Variants in IGFN1 observed in about 807,000 individuals in gnomAD.
The protein encoded by IGFN1 is immunoglobulin-like and fibronectin type III domain-containing protein 1.
Under a neutral mutation model 289.5 loss-of-function variants are expected in IGFN1, and 253 were observed. The observed-to-expected ratio is 0.87, with a 90% CI of 0.79 to 0.97. The LOEUF is 0.97. Among genes scored for constraint, IGFN1 ranks in the 50% least tolerant of loss-of-function variants. The pLI, the probability that IGFN1 is intolerant of heterozygous loss-of-function variation, is 0.00. For missense variants in IGFN1, 4,470 were observed against 4,686.1 expected, an observed-to-expected ratio of 0.95 and a Z score of 1.35; for synonymous variants, 1,706 against 1,788.5, an observed-to-expected ratio of 0.95 and a Z score of 1.16.
rs1232292846 is a variant in IGFN1 at position 201,206,985 on chromosome 1, C to T, written c.2092C>T (p.Gln698Ter). 6.5e-7 allele frequency: 1 copy of T among 1,535,886 alleles called. No individual in the cohort carries two copies. Among genetic ancestry groups the T allele is most frequent in the Non-Finnish European group, 8.7e-7 (1 of 1,146,314 alleles). Residue 698 changes from glutamine to a stop codon, truncating the protein, a stop_gained, in exon 12 of 24, where the codon CAG (glutamine) becomes TAG (stop). Coordinates refer to ENST00000335211, the MANE Select transcript of IGFN1 (RefSeq NM_001164586.2). LOFTEE classifies it high-confidence loss of function. ...VGMAPESWGSQGGRDADYGEA... is the reference protein window; with the variant it reads ...VGMAPESWGS ...CATGGCCCCTGAATCCTGGGGTTCT[C>T]AGGGAGGTAGAGATGCTGACTATGG...
chr1:201,207,988 G>C lies in IGFN1; in HGVS notation c.3095G>C (p.Gly1032Ala). 1 of 1,536,944 alleles carries C rather than the reference G, an allele frequency of 6.5e-7. No individual in the cohort carries two copies. The highest frequency in any genetic ancestry group is 8.7e-7 in the Non-Finnish European group (1 of 1,146,842). The change falls in exon 12 of 24, where the codon GGG becomes GCG. Residue 1032 changes from glycine (G) to alanine (A), a missense_variant. By Grantham distance (60) the Gly-to-Ala change is moderately conservative. Transcript: ENST00000335211. ...GAAGATTCTGGCCCTGCAGGAGGAG[G>C]GTCTGGGAGAGTTGCCAGTCTTAAA... is the stretch of plus-strand genomic sequence containing the variant. ...GNEDSGPAGG[G>A]SGRVASLKNG...
chr1:201,206,030 C>T (rs1183975962), intron 11 of IGFN1, 53 bp from the exon 12 acceptor site: 2 of 1,269,400 alleles, frequency 1.6e-6, no homozygotes, highest in South Asian at 2.7e-5. Flanking sequence ...GGTATTTTCT[C>T]TTGTCTCTCC....
At chr1:201,203,200 C>T (rs577217047) in intron 9 of IGFN1, among the ~76,000 whole-genome samples, 1 of 152,342 alleles carries the variant, frequency 6.6e-6, no homozygotes, top group East Asian at 1.9e-4. Context: ...CAGTGCCTGG[C>T]ACACAGTGGG....
In IGFN1 at chr1:201,211,804, C is replaced by T. The variant is rs1013717007; in HGVS notation, c.6911C>T (p.Ser2304Phe). Residue 2304 changes from serine (S) to phenylalanine (F), a missense_variant, in exon 12 of 24, where the codon TCT (serine) becomes TTT (phenylalanine). Coordinates refer to ENST00000335211, the MANE Select transcript of IGFN1 (RefSeq NM_001164586.2). ...GRNPLGSEAG[S>F]RGSLEDSGYI... ...AATCCATTAGGGAGCGAGGCAGGTT[C>T]TAGGGGTAGTTTGGAGGATTCTGGG... The T allele has an allele frequency of 1.3e-6, 2 of 1,536,552 alleles. No homozygotes were observed. Among genetic ancestry groups the T allele is most frequent in the Non-Finnish European group, 1.7e-6 (2 of 1,146,686 alleles).
intron 15 of IGFN1, chr1:201,216,084 T>C: frequency 1.4e-6 from 1 of 698,136 alleles, no homozygotes; most frequent in Non-Finnish European, 2.7e-6. Context: ...CCCAATACAC[T>C]GGGCCCTCAG....
chr1:201,195,130 G>A (rs1250789355), intron 3 of IGFN1, among the ~76,000 whole-genome samples: 2 of 151,566 alleles, frequency 1.3e-5, no homozygotes, highest in Non-Finnish European at 3.0e-5. Context: ...GAGTAGGAAG[G>A]GAAGCCAGAA....
chr1:201,193,486 C>G (rs570303478), intron 2 of IGFN1, among the ~76,000 whole-genome samples, 186 bp downstream of exon 2: 1 of 152,182 alleles, frequency 6.6e-6, no homozygotes, highest in East Asian at 1.9e-4. Context: ...GAATCTCACT[C>G]TGTTGCCCAG....
intron 23 of IGFN1, among the ~76,000 whole-genome samples, chr1:201,228,185 G>A (rs2102379029): frequency 6.6e-6 from 1 of 152,304 alleles, no homozygotes; most frequent in South Asian, 2.1e-4. Flanking sequence ...ATGGCATTGG[G>A]GGTGATTATG....
chr1:201,215,577 A>C lies in IGFN1; in HGVS notation c.9034A>C (p.Arg3012=). 1 of 1,604,782 alleles carries C rather than the reference A, an allele frequency of 6.2e-7. No homozygotes were observed. The stretch of plus-strand genomic sequence containing the variant: ...TGCTCCAGATGTGACAGAGAAACTG[A>C]GAGAGCCACTGGTGGTCAAGGCTGG... ...TIAPDVTEKL[R]EPLVVKAGKP... Residue 3012 remains arginine (R), a synonymous_variant, in exon 15 of 24, where the codon AGA becomes CGA. Coordinates refer to ENST00000335211, the MANE Select transcript of IGFN1 (RefSeq NM_001164586.2).
chr1:201,217,447 C>T lies in IGFN1; in HGVS notation c.9756C>T (p.Asp3252=), dbSNP rs953919023. 20 of 1,614,016 alleles carry T rather than the reference C, an allele frequency of 1.2e-5. No homozygotes were observed. The highest frequency in any genetic ancestry group is 1.7e-5 in the Non-Finnish European group (20 of 1,179,992). ...KGSNTWTAVN[D]QPVPERRWTV... is the part of the protein sequence containing the mutation. ...GCAACACCTGGACGGCAGTGAACGA[C>T]CAGCCGGTGCCTGGTGAGCATTGTC... Residue 3252 remains aspartate, a synonymous_variant, in exon 17 of 24, where the codon GAC becomes GAT. Transcript: ENST00000335211.
At chr1:201,203,326 G>A (rs1029841755) in intron 9 of IGFN1, among the ~76,000 whole-genome samples, 1 of 152,174 alleles carries the variant, frequency 6.6e-6, no homozygotes, top group Non-Finnish European at 1.5e-5. Context: ...ATGGATATCT[G>A]ATGTTATTCT....
At position 201,205,307 on chromosome 1, in the gene IGFN1, C is replaced by G. The variant is rs868736745; in HGVS notation, c.1142C>G (p.Ser381Trp). ...CGTTTCTCAGACATGGGCCCCTATTCGCTGGGCACCGGGCTCTACACTTCC... is the reference window on the plus strand; with the variant it reads ...CGTTTCTCAGACATGGGCCCCTATTGGCTGGGCACCGGGCTCTACACTTCC... ...GARFSDMGPY[S>W]LGTGLYTSSA... The change falls in exon 11 of 24, where the codon TCG becomes TGG. Residue 381 changes from serine to tryptophan, a missense_variant. This residue lies in a region of IGFN1 where 2,011 missense variants were observed against 1,953.4 expected (regional missense o/e 1.03). Transcript: ENST00000335211. 6.5e-7 allele frequency: 1 copy of G among 1,550,030 alleles called. No individual in the cohort carries two copies. The highest frequency in any genetic ancestry group is 2.0e-5 in the Admixed American group (1 of 50,952).
chr1:201,198,415 C>A (rs1667005029), intron 5 of IGFN1, among the ~76,000 whole-genome samples: 1 of 152,152 alleles, frequency 6.6e-6, no homozygotes, highest in African/African-American at 2.4e-5. Context: ...GGATTACAGG[C>A]ATGAGCCACT....
chr1:201,228,418 T>C lies in IGFN1; in HGVS notation c.*19T>C. 1.2e-6 allele frequency: 2 copies of C among 1,613,668 alleles called. No homozygotes were observed. Among genetic ancestry groups the C allele is most frequent in the Non-Finnish European group, 1.7e-6 (2 of 1,179,582 alleles). ...CACCTAGCCTCACCTCACCCTGGGA[T>C]GGTCCTGGACCCTTGAAGCTTCACT... On this transcript the variant is annotated 3_prime_UTR_variant, in exon 24 of 24. Coordinates refer to ENST00000335211, the MANE Select transcript of IGFN1 (RefSeq NM_001164586.2).
chr1:201,193,038 C>G (rs1219281861), intron 1 of IGFN1, among the ~76,000 whole-genome samples: 3 of 152,096 alleles, frequency 2.0e-5, no homozygotes, highest in Middle Eastern at 3.2e-3. Flanking sequence ...TAGCATGCTA[C>G]CCACTCCCTG....
In IGFN1 at chr1:201,207,947, A is replaced by C; in HGVS notation, c.3054A>C (p.Gly1018=). The change falls in exon 12 of 24, where the codon GGA becomes GGC. Residue 1018 remains glycine (G), a synonymous_variant. Transcript: ENST00000335211. ...GGCATGGCTCCGGAGCGCCTGGGGG[A>C]GTGTGGTCTGGAAATGAAGATTCTG... ...GYRHGSGAPG[G]VWSGNEDSGP... 6.5e-7 allele frequency: 1 copy of C among 1,535,726 alleles called. No individual in the cohort carries two copies.
chr1:201,199,405 T>C (rs1385525136), intron 6 of IGFN1, 27 bp downstream of exon 6: 1 of 1,545,518 alleles, frequency 6.5e-7, no homozygotes, highest in Admixed American at 2.0e-5. Flanking sequence ...GAAACCTCCT[T>C]GGGGGCCTGT....
chr1:201,218,517 G>A lies in IGFN1; in HGVS notation c.9770-13G>A, dbSNP rs376799167. On this transcript the variant is annotated splice_polypyrimidine_tract_variant and intron_variant, in intron 17 of 23. Coordinates refer to ENST00000335211, the MANE Select transcript of IGFN1 (RefSeq NM_001164586.2). ...CCATCAGGGTGGGACTCACATGGGC[G>A]GGCTGTTCACAGAGAGGAGGTGGAC... 7.5e-5 allele frequency: 120 copies of A among 1,609,170 alleles called. No individual in the cohort carries two copies. The highest frequency in any genetic ancestry group is 9.9e-5 in the Non-Finnish European group (117 of 1,178,056).
chr1:201,203,915 T>C lies in IGFN1; in HGVS notation c.916+9T>C. The C allele has an allele frequency of 6.5e-7, 1 of 1,547,468 alleles. No individual in the cohort carries two copies. Among genetic ancestry groups the C allele is most frequent in the Non-Finnish European group, 8.7e-7 (1 of 1,144,578 alleles). ...AGAACTGGAGGCCAGTGGTGAGTGG[T>C]CTACACTGCCGAAGTTGGAGTTGGG... On this transcript the variant is annotated intron_variant, in intron 10 of 23. Coordinates refer to ENST00000335211, the MANE Select transcript of IGFN1 (RefSeq NM_001164586.2).
Sources: gnomAD v4.1 joint callset for allele counts (sites outside exome capture counted in the v4.1 genomes callset) on GRCh38, gnomAD v4.1.1 for gene constraint, gnomAD v4.1.1 regional missense constraint, MANE v1.5 for transcripts, NCBI Gene and HGNC (gene_info 2026-07-23, HGNC 2026-07-21) for gene names.